The following TDRD9 variants were observed in gnomAD, a reference collection of about 807,000 sequenced individuals.
TDRD9 encodes ATP-dependent RNA helicase TDRD9.
A neutral mutation model predicts 172.6 loss-of-function variants in TDRD9; 124 were observed. That is an observed-to-expected ratio of 0.72 (90% CI 0.62 to 0.83). TDRD9 has a LOEUF of 0.83. Among genes scored for constraint, TDRD9 ranks in the 40% least tolerant of loss-of-function variants. The pLI is 0.00. For synonymous variants in TDRD9, 619 were observed against 617.1 expected (o/e 1.00, Z -0.05); for missense variants, 1,479 against 1,714.1 (o/e 0.86, Z 2.42).
intron 6 of TDRD9, among the ~76,000 whole-genome samples, chr14:103,973,493 C>T (rs1464786113): frequency 6.6e-6 from 1 of 152,166 alleles, no homozygotes; most frequent in East Asian, 1.9e-4. Context: ...TCAGCTCAGG[C>T]CCACTCCAGA....
At chr14:104,049,847 C>G (rs2035891149) in intron 35 of TDRD9, 167 bp downstream of exon 35, 1 of 601,266 alleles carries the variant, frequency 1.7e-6, no homozygotes, top group Non-Finnish European at 3.0e-6. Context: ...TCAGACCAGA[C>G]AGGCTGTTTC....
chr14:104,025,671 C>T lies in TDRD9; in HGVS notation c.2826C>T (p.Pro942=). 1 of 1,613,954 alleles carries T rather than the reference C, an allele frequency of 6.2e-7. No individual in the cohort carries two copies. Among genetic ancestry groups the T allele is most frequent in the South Asian group, 1.1e-5 (1 of 91,082 alleles). ...EINQLTLVPL[P]THPHPDLVCL... ...ACCAACTGACGCTGGTGCCCTTGCCCACTCACCCACATCCAGACTTGGTCT... is the reference window on the plus strand; with the variant it reads ...ACCAACTGACGCTGGTGCCCTTGCCTACTCACCCACATCCAGACTTGGTCT... The change falls in exon 26 of 36, where the codon CCC becomes CCT. Residue 942 remains proline (P), a synonymous_variant. Transcript: ENST00000409874.
chr14:104,030,076 A>G (rs2035236204), intron 28 of TDRD9, among the ~76,000 whole-genome samples: 2 of 152,242 alleles, frequency 1.3e-5, no homozygotes, highest in Non-Finnish European at 2.9e-5. Flanking sequence ...TTTAATTTAT[A>G]TAAAAACACT....
At chr14:104,022,040 G>A in intron 23 of TDRD9, 117 bp from the exon 24 acceptor site, 1 of 719,102 alleles carries the variant, frequency 1.4e-6, no homozygotes, top group South Asian at 1.8e-5. Context: ...ATAAATTGAA[G>A]AGTTACTGGC....
rs397853010 is a variant in TDRD9 at position 103,983,056 on chromosome 14, C to CTTTT, written c.1012-3139_1012-3136dup. The stretch of plus-strand genomic sequence containing the variant: ...CCCCACCTGGACTCGCTGTGGGTCA[C>CTTTT]TTTTTTTTTTTTTTTTTTTTTTTTT... On this transcript the variant is annotated intron_variant, in intron 7 of 35. Coordinates refer to ENST00000409874, the MANE Select transcript of TDRD9 (RefSeq NM_153046.3). Among the ~76,000 whole-genome samples the CTTTT allele has an allele frequency of 8.7e-4, 76 of 87,640 alleles. 2 individuals are homozygous for CTTTT. Among genetic ancestry groups the CTTTT allele is most frequent in the African/African-American group, 2.7e-3 (59 of 21,578 alleles). 57.5% of individuals were successfully genotyped at this position (87,640 alleles called of 152,430 possible). A position where few individuals can be genotyped will look rare whatever the true frequency, so the allele number is the denominator to read the frequency against.
At chr14:104,032,636 C>A (rs1054111949) in intron 30 of TDRD9, among the ~76,000 whole-genome samples, 2 of 152,094 alleles carry the variant, frequency 1.3e-5, no homozygotes, top group Admixed American at 1.3e-4. Context: ...ACATTTTTTT[C>A]TGTTCTTGTT....
chr14:104,009,364 C>T (rs1414448738), intron 20 of TDRD9, among the ~76,000 whole-genome samples: 1 of 152,180 alleles, frequency 6.6e-6, no homozygotes, highest in African/African-American at 2.4e-5. Flanking sequence ...GGAAAATTGT[C>T]TTTCATGAAA....
chr14:103,995,925 C>A, intron 12 of TDRD9, 118 bp downstream of exon 12: 1 of 908,216 alleles, frequency 1.1e-6, no homozygotes, highest in Non-Finnish European at 1.6e-6. Flanking sequence ...TTTTGGAACA[C>A]AGAATTGAGA....
At chr14:103,945,422 T>C (rs2031508212) in intron 1 of TDRD9, 1 of 152,252 alleles carries the variant, frequency 6.6e-6, no homozygotes, top group Non-Finnish European at 1.5e-5. Context: ...TTTTGTCCTG[T>C]CTCCTGAGAT....
intron 2 of TDRD9, among the ~76,000 whole-genome samples, chr14:103,960,483 T>G (rs1441317511): frequency 1.3e-5 from 2 of 152,254 alleles, no homozygotes; most frequent in Non-Finnish European, 2.9e-5. Context: ...GTTGAGCTGG[T>G]CCTCATGCCG....
chr14:103,995,197 T>A (rs2034014609), intron 11 of TDRD9, among the ~76,000 whole-genome samples: 1 of 152,228 alleles, frequency 6.6e-6, no homozygotes, highest in Admixed American at 6.5e-5. Flanking sequence ...GAAACCACTC[T>A]GGTGACTCTG....
chr14:103,928,720 G>A lies in TDRD9; in HGVS notation c.211G>A (p.Glu71Lys). Residue 71 changes from glutamate to lysine, a missense_variant, in exon 1 of 36, where the codon GAA (glutamate) becomes AAA (lysine). Transcript: ENST00000409874. Reference protein sequence around the residue: ...QAPARPAAAFERSLSQRSSEV... With the variant: ...QAPARPAAAFKRSLSQRSSEV... ...TCCGGCCCGGCCGGCCGCTGCGTTCGAAAGGTAGGACGCGGGCGGGGCGGA... is the reference window on the plus strand; with the variant it reads ...TCCGGCCCGGCCGGCCGCTGCGTTCAAAAGGTAGGACGCGGGCGGGGCGGA... The A allele has an allele frequency of 1.7e-6, 2 of 1,146,650 alleles. No individual in the cohort carries two copies. Among genetic ancestry groups the A allele is most frequent in the Non-Finnish European group, 2.2e-6 (2 of 919,826 alleles). The allele number at this position is 1,146,650 out of a possible 1,614,324, so 71.0% of individuals were successfully genotyped here. A position where few individuals can be genotyped will look rare whatever the true frequency, so the allele number is the denominator to read the frequency against.
chr14:104,043,958 G>A (rs2035687055), intron 34 of TDRD9, among the ~76,000 whole-genome samples: 1 of 152,280 alleles, frequency 6.6e-6, no homozygotes, highest in South Asian at 2.1e-4. Context: ...GCCTGTGGGG[G>A]GCTCGTCGCC....
chr14:104,025,490 A>G (rs2035088405), intron 25 of TDRD9, 74 bp from the exon 26 acceptor site: 7 of 1,163,074 alleles, frequency 6.0e-6, no homozygotes, highest in South Asian at 4.0e-5. Context: ...TGTCAGCCCT[A>G]TGATTCAAGC....
rs1277793690 is a variant in TDRD9, at chr14:104,051,982, T to C, written c.4049T>C (p.Val1350Ala). 24 of 1,588,220 alleles carry C rather than the reference T, an allele frequency of 1.5e-5. No homozygotes were observed. Among genetic ancestry groups the C allele is most frequent in the Non-Finnish European group, 2.1e-5 (24 of 1,166,912 alleles). The change falls in exon 36 of 36, where the codon GTT becomes GCT. Residue 1350 changes from valine to alanine, a missense_variant and splice_region_variant. Physicochemically the swap from Val to Ala is moderately conservative, Grantham distance 64. This residue lies in a region of TDRD9 where 1,413 missense variants were observed against 1,649.1 expected (regional missense o/e 0.86). Transcript: ENST00000409874. ...TGGTCCGCTTGTCTACCCCATTAGG[T>C]TGATCCAAAGCTGGTCATGGAGCAG... ...WHEKPYEWNQVDPKLVMEQAD... is the reference protein window; with the variant it reads ...WHEKPYEWNQADPKLVMEQAD...
intron 1 of TDRD9, among the ~76,000 whole-genome samples, chr14:103,944,517 T>G (rs1233452647): frequency 6.6e-6 from 1 of 151,802 alleles, no homozygotes; most frequent in Non-Finnish European, 1.5e-5. Context: ...CTGTTAAACT[T>G]ATAGAAAGAC....
chr14:103,976,210 T>TTCATGGC (rs2033233713), intron 7 of TDRD9, among the ~76,000 whole-genome samples: 1 of 152,220 alleles, frequency 6.6e-6, no homozygotes, highest in South Asian at 2.1e-4. Context: ...TTATTCTTTT[T>TTCATGGC]TCATGGCTGA....
intron 1 of TDRD9, among the ~76,000 whole-genome samples, chr14:103,938,652 T>C (rs1337681209): frequency 6.6e-6 from 1 of 151,644 alleles, no homozygotes; most frequent in Non-Finnish European, 1.5e-5. Context: ...TTGGCCAGGA[T>C]GGTCTCAATC....
intron 1 of TDRD9, among the ~76,000 whole-genome samples, chr14:103,933,165 G>C (rs576025490): frequency 6.6e-6 from 1 of 152,264 alleles, no homozygotes; most frequent in South Asian, 2.1e-4. Flanking sequence ...TATTCTTTCT[G>C]TTATCCTTAC....
Sources: allele counts gnomAD v4.1 joint callset (sites outside exome capture counted in the v4.1 genomes callset), GRCh38; gene constraint gnomAD v4.1.1; regional missense constraint gnomAD v4.1.1; transcripts MANE v1.5; gene names NCBI Gene and HGNC (gene_info 2026-07-23, HGNC 2026-07-21).